PLXDC2: variants seen among roughly 807,000 people sequenced by gnomAD.
The protein encoded by PLXDC2 is plexin domain-containing protein 2.
PLXDC2 carries 40 observed loss-of-function variants against 68.9 expected under a neutral mutation model. That is an observed-to-expected ratio of 0.58 (90% CI 0.45 to 0.76). The LOEUF (loss-of-function observed/expected upper bound fraction) is 0.76, where lower values mean the gene tolerates loss of function less well. PLXDC2 is among the 30% of genes least tolerant of loss of function. The pLI, the probability that PLXDC2 is intolerant of heterozygous loss-of-function variation, is 0.00. For missense variants in PLXDC2, 644 were observed against 661.9 expected, an observed-to-expected ratio of 0.97 and a Z score of 0.30; for synonymous variants, 243 against 234.2, an observed-to-expected ratio of 1.04 and a Z score of -0.34.
chr10:20,017,806 G>A (rs921661284), intron 2 of PLXDC2, among the ~76,000 whole-genome samples: 25 of 152,210 alleles, frequency 1.6e-4, no homozygotes, highest in African/African-American at 6.0e-4. Flanking sequence ...AAATTCAAGT[G>A]GGCTTGGAGT....
At chr10:19,912,714 A>C (rs900791825) in intron 1 of PLXDC2, among the ~76,000 whole-genome samples, 9 of 152,216 alleles carry the variant, frequency 5.9e-5, no homozygotes, top group African/African-American at 2.2e-4. Flanking sequence ...TCCTTTTAGA[A>C]GTTAGTACTA....
intron 6 of PLXDC2, among the ~76,000 whole-genome samples, chr10:20,158,643 A>G (rs1834249585): frequency 6.6e-6 from 1 of 151,658 alleles, no homozygotes. Context: ...AGCCTGGGCA[A>G]CAGAATGAGA....
chr10:20,158,745 C>G (rs1358357751), intron 6 of PLXDC2, among the ~76,000 whole-genome samples: 1 of 151,734 alleles, frequency 6.6e-6, no homozygotes, highest in Non-Finnish European at 1.5e-5. Context: ...ATAATATAGT[C>G]TCTAATTTTA....
chr10:19,861,486 C>G (rs1049265332), intron 1 of PLXDC2, among the ~76,000 whole-genome samples: 1 of 152,130 alleles, frequency 6.6e-6, no homozygotes, highest in Non-Finnish European at 1.5e-5. Context: ...CCCTAGCCAC[C>G]ATGAGATTGT....
At chr10:20,149,340 G>C (rs1186787985) in intron 6 of PLXDC2, among the ~76,000 whole-genome samples, 2 of 139,364 alleles carry the variant, frequency 1.4e-5, no homozygotes, top group Non-Finnish European at 3.1e-5. Context: ...CTGGGTACAA[G>C]CGATTCTCCT....
chr10:20,187,322 T>G (rs530096253), intron 9 of PLXDC2, among the ~76,000 whole-genome samples: 10 of 151,840 alleles, frequency 6.6e-5, no homozygotes, highest in Admixed American at 2.6e-4. Flanking sequence ...TCAAAATTTC[T>G]TTTTTGTAGA....
chr10:20,188,877 A>G (rs1318987817), intron 9 of PLXDC2, among the ~76,000 whole-genome samples: 3 of 151,806 alleles, frequency 2.0e-5, no homozygotes, highest in African/African-American at 7.2e-5. Flanking sequence ...CCAAGTGGTA[A>G]TCAGTGTTTT....
intron 1 of PLXDC2, among the ~76,000 whole-genome samples, chr10:19,890,333 A>G (rs570981335): frequency 8.4e-4 from 128 of 152,064 alleles, no homozygotes; most frequent in Admixed American, 2.5e-3. Context: ...TTCGGGTATG[A>G]ATCATCCCAT....
At chr10:20,105,530 C>CTTGTG (rs1439936539) in intron 4 of PLXDC2, among the ~76,000 whole-genome samples, 3 of 152,154 alleles carry the variant, frequency 2.0e-5, no homozygotes, top group Non-Finnish European at 4.4e-5. Context: ...CAATTCAGTT[C>CTTGTG]TTGTGTTCTC....
intron 2 of PLXDC2, among the ~76,000 whole-genome samples, chr10:20,010,060 T>C (rs1282317853): frequency 6.6e-6 from 1 of 152,172 alleles, no homozygotes; most frequent in Non-Finnish European, 1.5e-5. Context: ...TTTAAATTAA[T>C]CAATATTGCT....
At chr10:19,918,033 T>C (rs1833399941) in intron 1 of PLXDC2, among the ~76,000 whole-genome samples, 1 of 152,230 alleles carries the variant, frequency 6.6e-6, no homozygotes, top group Non-Finnish European at 1.5e-5. Context: ...TGGTGTCCCA[T>C]CACTGCATTC....
intron 1 of PLXDC2, among the ~76,000 whole-genome samples, chr10:19,925,882 G>A (rs1397539836): frequency 1.3e-5 from 2 of 152,204 alleles, no homozygotes; most frequent in African/African-American, 4.8e-5. Context: ...GCAGTCTGAT[G>A]AGCTTTTCTC....
At chr10:20,208,084 C>T (rs2131854253) in intron 9 of PLXDC2, among the ~76,000 whole-genome samples, 1 of 152,112 alleles carries the variant, frequency 6.6e-6, no homozygotes, top group Non-Finnish European at 1.5e-5. Flanking sequence ...AGTTGAACAG[C>T]TTCCATTTAT....
At chr10:19,994,772 T>C (rs1834814611) in intron 1 of PLXDC2, among the ~76,000 whole-genome samples, 1 of 151,576 alleles carries the variant, frequency 6.6e-6, no homozygotes, top group African/African-American at 2.4e-5. Context: ...TGACAGAGTC[T>C]CGCTCTGTTA....
At chr10:20,228,365 A>G (rs1835313619) in intron 12 of PLXDC2, among the ~76,000 whole-genome samples, 3 of 152,160 alleles carry the variant, frequency 2.0e-5, no homozygotes. Flanking sequence ...GCTTGAGACT[A>G]GCCTGGGCAA....
Position 20,111,349 on chromosome 10 carries a change from A to G in PLXDC2, c.542-31946A>G, listed in dbSNP as rs145835872. ...TGACTCTATTTACTTTAAAAACAGA[A>G]GTATTTATTTTACACACACCAGCAA... On this transcript the variant is annotated intron_variant, in intron 4 of 13. Coordinates refer to ENST00000377252, the MANE Select transcript of PLXDC2 (RefSeq NM_032812.9). 1.7e-3 allele frequency among the ~76,000 whole-genome samples: 255 copies of G among 152,354 alleles called. 1 individual carries two copies. The highest frequency in any genetic ancestry group is 5.8e-3 in the African/African-American group (242 of 41,584).
At chr10:20,210,220 C>A (rs1420101679) in intron 9 of PLXDC2, among the ~76,000 whole-genome samples, 1 of 152,018 alleles carries the variant, frequency 6.6e-6, no homozygotes, top group Non-Finnish European at 1.5e-5. Context: ...GTTTAAGTTA[C>A]AAATTAGACA....
At chr10:20,274,419 C>A (rs1312875516) in intron 13 of PLXDC2, among the ~76,000 whole-genome samples, 3 of 152,128 alleles carry the variant, frequency 2.0e-5, no homozygotes, top group African/African-American at 7.2e-5. Flanking sequence ...TTTCATCTTG[C>A]ACATGAACCG....
chr10:20,189,979 C>G lies in PLXDC2; in HGVS notation c.1061+12570C>G, dbSNP rs1393972312. Among the ~76,000 whole-genome samples the G allele has an allele frequency of 3.3e-5, 5 of 151,716 alleles. No individual in the cohort carries two copies. The Admixed American group carries it at 3.3e-4, about 10-fold the overall frequency. ...AATAACTAAGTCCCACCTGAAATAT[C>G]AAGACATTCTTTTAAGTTATCTTTG... is the stretch of plus-strand genomic sequence containing the variant. On this transcript the variant is annotated intron_variant, in intron 9 of 13. Transcript: ENST00000377252.
Sources: gnomAD v4.1 joint callset for allele counts (sites outside exome capture counted in the v4.1 genomes callset) on GRCh38, gnomAD v4.1.1 for gene constraint, MANE v1.5 for transcripts, NCBI Gene and HGNC (gene_info 2026-07-23, HGNC 2026-07-21) for gene names.